The following AKAP19 variants were observed in gnomAD, a reference collection of about 807,000 sequenced individuals.
The protein encoded by AKAP19 is small A-kinase anchoring protein.
chr2:190,129,039 T>C, the AKAP19 span, among the ~76,000 whole-genome samples: 2 of 152,250 alleles, frequency 1.3e-5, no homozygotes, highest in Non-Finnish European at 2.9e-5. Flanking sequence ...AATTAGGTTG[T>C]ACATAACATT....
At chr2:190,180,411 C>A in the AKAP19 span, 3 of 943,312 alleles carry the variant, frequency 3.2e-6, no homozygotes, top group African/African-American at 3.6e-5. This position sits in a 1 kb window ranked among gnomAD's most constrained non-coding sequence, Gnocchi z 6.8. Context: ...CAGGGCGGAG[C>A]TCAGGAGAGT....
chr2:190,047,668 T>C, the AKAP19 span, among the ~76,000 whole-genome samples: 1 of 152,212 alleles, frequency 6.6e-6, no homozygotes, highest in Non-Finnish European at 1.5e-5. Flanking sequence ...CAAGTATGAA[T>C]AGAATTGATA....
the AKAP19 span, among the ~76,000 whole-genome samples, chr2:189,912,960 G>T: frequency 2.0e-5 from 3 of 152,066 alleles, no homozygotes; most frequent in Non-Finnish European, 4.4e-5. Context: ...CAAAGCTGTA[G>T]AGTATTTTAT....
At chr2:190,054,598 C>T in the AKAP19 span, among the ~76,000 whole-genome samples, 1 of 152,124 alleles carries the variant, frequency 6.6e-6, no homozygotes, top group Non-Finnish European at 1.5e-5. Flanking sequence ...TGACAAAGGG[C>T]TAATATCCAG....
chr2:189,950,174 C>T, the AKAP19 span, among the ~76,000 whole-genome samples: 1 of 150,872 alleles, frequency 6.6e-6, no homozygotes, highest in African/African-American at 2.4e-5. Flanking sequence ...ATTACAGGTG[C>T]CTGCCATGAT....
At chr2:190,032,438 G>A in the AKAP19 span, among the ~76,000 whole-genome samples, 3 of 152,116 alleles carry the variant, frequency 2.0e-5, no homozygotes, top group African/African-American at 7.2e-5. Flanking sequence ...AACTGAAGTG[G>A]TGAACTCAGT....
chr2:190,124,350 T>C, the AKAP19 span, among the ~76,000 whole-genome samples: 7 of 152,228 alleles, frequency 4.6e-5, no homozygotes, highest in Admixed American at 1.3e-4. Flanking sequence ...CTAGGCTATA[T>C]GGTATAGCCT....
At chr2:189,973,212 A>C in the AKAP19 span, among the ~76,000 whole-genome samples, 13 of 152,282 alleles carry the variant, frequency 8.5e-5, no homozygotes, top group African/African-American at 2.6e-4. Flanking sequence ...AATTTTGTCA[A>C]AGGCCTTTTC....
At chr2:189,974,151 A>G in the AKAP19 span, among the ~76,000 whole-genome samples, 1 of 151,984 alleles carries the variant, frequency 6.6e-6, no homozygotes, top group Non-Finnish European at 1.5e-5. Flanking sequence ...ACTGCTTTAA[A>G]TGTGTCCCAG....
chr2:190,144,293 A>G, the AKAP19 span, among the ~76,000 whole-genome samples: 1 of 151,744 alleles, frequency 6.6e-6, no homozygotes, highest in African/African-American at 2.4e-5. Context: ...CACTAAAAAG[A>G]AAGTACCCTA....
chr2:190,008,897 A>G, the AKAP19 span, among the ~76,000 whole-genome samples: 1 of 152,072 alleles, frequency 6.6e-6, no homozygotes, highest in South Asian at 2.1e-4. Flanking sequence ...AAGAAGTGAT[A>G]TAGGGGATTG....
the AKAP19 span, among the ~76,000 whole-genome samples, chr2:190,024,199 T>G: frequency 6.6e-6 from 1 of 151,764 alleles, no homozygotes; most frequent in Non-Finnish European, 1.5e-5. Context: ...AAATGTGTCT[T>G]CCTAGGGATG....
At chr2:189,891,128 C>G in the AKAP19 span, among the ~76,000 whole-genome samples, 9 of 151,618 alleles carry the variant, frequency 5.9e-5, no homozygotes, top group African/African-American at 1.9e-4. Context: ...AATCTCTCAG[C>G]ATTTGCTTGT....
the AKAP19 span, among the ~76,000 whole-genome samples, chr2:190,055,095 T>C: frequency 6.6e-6 from 1 of 151,916 alleles, no homozygotes; most frequent in Non-Finnish European, 1.5e-5. Flanking sequence ...CCAACAATGA[T>C]AGACTGGATT....
At chr2:189,971,652 C>T in the AKAP19 span, among the ~76,000 whole-genome samples, 20,484 of 152,090 alleles carry the variant, frequency 0.13, 1,551 homozygotes, top group Middle Eastern at 0.24. Flanking sequence ...CCTGTTGTTT[C>T]CTGACTTTTT....
the AKAP19 span, among the ~76,000 whole-genome samples, chr2:190,071,070 G>C: frequency 5.3e-5 from 8 of 152,100 alleles, no homozygotes; most frequent in Non-Finnish European, 1.5e-5. Context: ...CTGAGTGTGG[G>C]CCTAGGCTAG....
chr2:190,066,811 G>A, the AKAP19 span, among the ~76,000 whole-genome samples: 1 of 152,130 alleles, frequency 6.6e-6, no homozygotes, highest in Non-Finnish European at 1.5e-5. Context: ...ATTTATAAAT[G>A]TATGTATGTG....
At chr2:190,103,184 C>T in the AKAP19 span, among the ~76,000 whole-genome samples, 1 of 152,100 alleles carries the variant, frequency 6.6e-6, no homozygotes, top group Admixed American at 6.6e-5. Context: ...ATGAAAGGAA[C>T]ATATCTCAAG....
At chr2:189,905,936 A>G in the AKAP19 span, among the ~76,000 whole-genome samples, 6 of 152,098 alleles carry the variant, frequency 3.9e-5, no homozygotes, top group Non-Finnish European at 8.8e-5. Flanking sequence ...TGCAGACAAG[A>G]GTGAACAGGG....
Sources: allele counts gnomAD v4.1 joint callset (sites outside exome capture counted in the v4.1 genomes callset), GRCh38; gene constraint gnomAD v4.1.1; non-coding constraint Gnocchi (gnomAD v3.1); transcripts MANE v1.5; gene names NCBI Gene and HGNC (gene_info 2026-07-23, HGNC 2026-07-21).